Variants in HTD2 observed in about 807,000 individuals in gnomAD.
HTD2 encodes the protein hydroxyacyl-thioester dehydratase type 2, also known as hydroxyacyl-thioester dehydratase type 2, mitochondrial.
Under a neutral mutation model 3.1 loss-of-function variants are expected in HTD2, and 1 was observed. That is an observed-to-expected ratio of 0.32 (90% confidence interval 0.11 to 1.52). HTD2 has a LOEUF of 1.52. Among genes scored for constraint, HTD2 ranks in the 40% most tolerant of loss-of-function variants. HTD2 has a pLI of 0.39. For synonymous variants in HTD2, 50 were observed against 28.9 expected, an observed-to-expected ratio of 1.73 and a Z score of -2.34; for missense variants, 150 against 79.6, an observed-to-expected ratio of 1.88 and a Z score of -3.36.
chr3:58,310,557 T>G lies in HTD2; in HGVS notation c.-365T>G. 6.2e-7 allele frequency: 1 copy of G among 1,613,256 alleles called. No individual in the cohort carries two copies. Among genetic ancestry groups the G allele is most frequent in the Non-Finnish European group, 8.5e-7 (1 of 1,179,734 alleles). ...CTGAATGCTGCACAGTTCAAACAGC[T>G]GCTTATTTCGGCTGTGAAGGACCTG... On this transcript the variant is annotated 5_prime_UTR_variant, in exon 2 of 5. Transcript: ENST00000461393.
rs920382951 is a variant in HTD2, at chr3:58,316,815, A to G, written c.-253-100A>G. Reference sequence around the variant, plus strand: ...AGCTGTAGTTTTCCCATTGATGGTTATAGTTGCAAAGTCAGAAGTGAATAT... The same window carrying G: ...AGCTGTAGTTTTCCCATTGATGGTTGTAGTTGCAAAGTCAGAAGTGAATAT... On this transcript the variant is annotated intron_variant, in intron 3 of 4. Coordinates refer to ENST00000461393, the MANE Select transcript of HTD2 (RefSeq NM_001348712.2). The G allele has an allele frequency of 6.4e-6, 7 of 1,090,386 alleles. No individual in the cohort carries two copies. In the Admixed American group the frequency reaches 1.0e-4, roughly 16 times the overall value. The allele number at this position is 1,090,386 out of a possible 1,614,324, so 67.5% of individuals were successfully genotyped here.
intron 2 of HTD2, chr3:58,315,624 T>G (rs534177589): frequency 1.3e-5 from 2 of 152,234 alleles, no homozygotes; most frequent in Non-Finnish European, 2.9e-5. Flanking sequence ...GACATTGACA[T>G]TGTGGGAGGC....
intron 1 of HTD2, among the ~76,000 whole-genome samples, chr3:58,309,241 C>G (rs765214530): frequency 7.9e-5 from 12 of 152,142 alleles, no homozygotes; most frequent in Admixed American, 2.0e-4. Context: ...TTTTCTTTTT[C>G]TTTGGATAAA....
At chr3:58,306,754 G>A (rs1245929894) in intron 1 of HTD2, 103 bp downstream of exon 1, 1 of 152,286 alleles carries the variant, frequency 6.6e-6, no homozygotes, top group Non-Finnish European at 1.5e-5. Context: ...TCCAAAAATT[G>A]TACGTCGCAC....
chr3:58,313,286 A>G (rs2097484462), intron 2 of HTD2, among the ~76,000 whole-genome samples: 1 of 152,176 alleles, frequency 6.6e-6, no homozygotes, highest in East Asian at 1.9e-4. Flanking sequence ...TGAAAAAAAG[A>G]TGAACTGAAC....
rs768075570 is a variant in HTD2, at chr3:58,316,599, A to G, written c.-254+8A>G. On this transcript the variant is annotated splice_region_variant and intron_variant, in intron 3 of 4. Coordinates refer to ENST00000461393, the MANE Select transcript of HTD2 (RefSeq NM_001348712.2). ...CTTGAGAATATGTAGCAGGTATGAC[A>G]GAGAGTGGGAAATTTCTAGTATAAC... The G allele has an allele frequency of 2.5e-6, 4 of 1,610,986 alleles. No homozygotes were observed. The East Asian group carries it at 8.9e-5, about 36-fold the overall frequency.
At chr3:58,317,165 A>G (rs971038482) in intron 4 of HTD2, among the ~76,000 whole-genome samples, 172 bp downstream of exon 4, 1 of 152,230 alleles carries the variant, frequency 6.6e-6, no homozygotes, top group African/African-American at 2.4e-5. Context: ...GAGCACTTAG[A>G]TTTTAAAATC....
intron 2 of HTD2, 151 bp downstream of exon 2, chr3:58,310,742 C>T (rs1559793245): frequency 6.7e-6 from 4 of 595,616 alleles, no homozygotes; most frequent in East Asian, 6.0e-5. Flanking sequence ...CCATCCTGGC[C>T]AACATGGTGA....
chr3:58,315,395 G>A (rs2097487183), intron 2 of HTD2, among the ~76,000 whole-genome samples: 2 of 151,820 alleles, frequency 1.3e-5, no homozygotes, highest in Admixed American at 1.3e-4. Flanking sequence ...AGGAGGGGTG[G>A]GTGTGGCTGT....
In HTD2 at chr3:58,319,734, A is replaced by G. The variant is rs1212853429; in HGVS notation, c.*1614A>G. On this transcript the variant is annotated 3_prime_UTR_variant, in exon 5 of 5. Coordinates refer to ENST00000461393, the MANE Select transcript of HTD2 (RefSeq NM_001348712.2). ...TCAGGGAGGTTATATTGAAGGGGAG[A>G]TGTGCCTAACATGTTACTACTAAAT... is the stretch of plus-strand genomic sequence containing the variant. 2.0e-5 allele frequency: 3 copies of G among 151,920 alleles called. No homozygotes were observed. The highest frequency in any genetic ancestry group is 7.3e-5 in the African/African-American group (3 of 41,344). The allele number at this position is 151,920 out of a possible 1,614,324, so 9.4% of individuals were successfully genotyped here.
chr3:58,316,351 T>C (rs1456416801), intron 2 of HTD2, 164 bp from the exon 3 acceptor site: 1 of 617,580 alleles, frequency 1.6e-6, no homozygotes, highest in African/African-American at 1.8e-5. Context: ...CAGAACATTC[T>C]AGGCAGGGGG....
chr3:58,310,225 A>C (rs958757762), intron 1 of HTD2: 9 of 1,090,750 alleles, frequency 8.3e-6, no homozygotes, highest in Middle Eastern at 4.1e-4. Context: ...CAAACAAAAA[A>C]AACCCAAATA....
chr3:58,314,730 G>C lies in HTD2; in HGVS notation c.-330-1785G>C, dbSNP rs541006096. ...AGATGGAGTCTCGTTCTGTCACCGGGCTGGAGTGCAGTGGCACAATCTTGG... is the reference window on the plus strand; with the variant it reads ...AGATGGAGTCTCGTTCTGTCACCGGCCTGGAGTGCAGTGGCACAATCTTGG... On this transcript the variant is annotated intron_variant, in intron 2 of 4. Coordinates refer to ENST00000461393, the MANE Select transcript of HTD2 (RefSeq NM_001348712.2). 3.0e-5 allele frequency among the ~76,000 whole-genome samples: 4 copies of C among 131,438 alleles called. No individual in the cohort carries two copies. The South Asian group carries it at 1.1e-3, about 36-fold the overall frequency. The allele number at this position is 131,438 out of a possible 152,430, so 86.2% of individuals were successfully genotyped here. A position where few individuals can be genotyped will look rare whatever the true frequency, so the allele number is the denominator to read the frequency against.
At chr3:58,308,347 A>G (rs1017705748) in intron 1 of HTD2, among the ~76,000 whole-genome samples, 1 of 152,160 alleles carries the variant, frequency 6.6e-6, no homozygotes, top group African/African-American at 2.4e-5. Flanking sequence ...GCAGTGGTAC[A>G]ATCACAGTGC....
At chr3:58,313,732 G>A (rs1328896049) in intron 2 of HTD2, among the ~76,000 whole-genome samples, 1 of 152,242 alleles carries the variant, frequency 6.6e-6, no homozygotes, top group Admixed American at 6.5e-5. Context: ...GGCTGAGGTG[G>A]GAGGATTGCT....
chr3:58,307,724 G>A (rs1465484583), intron 1 of HTD2: 2 of 152,204 alleles, frequency 1.3e-5, no homozygotes, highest in Non-Finnish European at 2.9e-5. Context: ...TAAAGATGAC[G>A]ATGACAGTAA....
Position 58,319,247 on chromosome 3 carries a change from AGT to A in HTD2, c.*1128_*1129del. On this transcript the variant is annotated 3_prime_UTR_variant, in exon 5 of 5. Transcript: ENST00000461393. ...GTTATTTACACCAAGGTGGCATCTT[AGT>A]CTACCTTCAGTGAGACTTGCGTTTC... 1 of 152,228 alleles carries A rather than the reference AGT, an allele frequency of 6.6e-6. No individual in the cohort carries two copies. Among genetic ancestry groups the A allele is most frequent in the Non-Finnish European group, 1.5e-5 (1 of 68,042 alleles). 9.4% of individuals were successfully genotyped at this position (152,228 alleles called of 1,614,324 possible). A position where few individuals can be genotyped will look rare whatever the true frequency, so the allele number is the denominator to read the frequency against.
At position 58,317,989 on chromosome 3, in the gene HTD2, G is replaced by T. The variant is rs1000969611; in HGVS notation, c.376G>T (p.Ala126Ser). 3 of 702,806 alleles carry T rather than the reference G, an allele frequency of 4.3e-6. No homozygotes were observed. The highest frequency in any genetic ancestry group is 3.5e-5 in the African/African-American group (2 of 57,238). 43.5% of individuals were successfully genotyped at this position (702,806 alleles called of 1,614,324 possible). ...APLYIGEVVLASAEVKKLKRF... is the reference protein window; with the variant it reads ...APLYIGEVVLSSAEVKKLKRF... The stretch of plus-strand genomic sequence containing the variant: ...TTTATATATTGGAGAAGTTGTTTTA[G>T]CTTCTGCAGAAGTGAAAAAGCTGAA... The change falls in exon 5 of 5, where the codon GCT (alanine) becomes TCT (serine). Residue 126 changes from alanine (A) to serine (S), a missense_variant. Physicochemically the swap from Ala to Ser is moderately conservative, Grantham distance 99 (BLOSUM62 1). Coordinates refer to ENST00000461393, the MANE Select transcript of HTD2 (RefSeq NM_001348712.2).
At chr3:58,312,976 A>G (rs1240209267) in intron 2 of HTD2, among the ~76,000 whole-genome samples, 1 of 144,014 alleles carries the variant, frequency 6.9e-6, no homozygotes, top group African/African-American at 2.6e-5. Context: ...AAAAAAAAAA[A>G]AAAAGGGCTG....
Sources: gnomAD v4.1 joint callset for allele counts (sites outside exome capture counted in the v4.1 genomes callset) on GRCh38, gnomAD v4.1.1 for gene constraint, MANE v1.5 for transcripts, NCBI Gene and HGNC (gene_info 2026-07-23, HGNC 2026-07-21) for gene names.